PCDH19: variants seen among roughly 807,000 people sequenced by gnomAD.
The protein encoded by PCDH19 is protocadherin 19.
A neutral mutation model predicts 46.2 loss-of-function variants in PCDH19; 6 were observed. That is an observed-to-expected ratio of 0.13 (90% CI 0.07 to 0.26). The LOEUF (loss-of-function observed/expected upper bound fraction) is 0.26, where lower values mean the gene tolerates loss of function less well. Ranked by LOEUF, PCDH19 falls within the 10% of genes least tolerant of loss-of-function variation. The pLI, the probability that PCDH19 is intolerant of heterozygous loss-of-function variation, is 1.00. For synonymous variants in PCDH19, 481 were observed against 415.7 expected, an observed-to-expected ratio of 1.16 and a Z score of -1.91; for missense variants, 740 against 972.3, an observed-to-expected ratio of 0.76 and a Z score of 3.18.
At chrX:100,366,876 C>T (rs1346058340) in intron 3 of PCDH19, among the ~76,000 whole-genome samples, 2 of 111,906 alleles carry the variant, frequency 1.8e-5, no homozygotes, top group African/African-American at 3.2e-5. Context: ...TCTGACTGCC[C>T]TACCACCAAA....
rs1008087229 is a variant in PCDH19, at chrX:100,340,105, A to AC, written c.2848+1797dup. On this transcript the variant is annotated intron_variant, in intron 5 of 5. Coordinates refer to ENST00000373034, the MANE Select transcript of PCDH19 (RefSeq NM_001184880.2). ...ACCTATATGGAGACTGGTGGTCTCT[A>AC]CCTTCAACCCAAATGACTAAGCTGA... Among the ~76,000 whole-genome samples the AC allele has an allele frequency of 5.4e-5, 6 of 111,727 alleles. No individual in the cohort carries two copies. In the South Asian group the frequency reaches 1.1e-3, roughly 21 times the overall value.
rs188232958 is a variant in PCDH19, at chrX:100,313,993, T to C, written c.2849-17118A>G. Among the ~76,000 whole-genome samples, 535 of 111,049 alleles carry C rather than the reference T, an allele frequency of 4.8e-3. 3 individuals are homozygous for C. The highest frequency in any genetic ancestry group is 0.016 in the African/African-American group (500 of 30,577). The stretch of plus-strand genomic sequence containing the variant: ...AATAAACAAGGACATTGGCGAATGG[T>C]TTTATTCTCCTGGGGAATCTTTGTC... On this transcript the variant is annotated intron_variant, in intron 5 of 5. Coordinates refer to ENST00000373034, the MANE Select transcript of PCDH19 (RefSeq NM_001184880.2).
At position 100,407,787 on chromosome X, in the gene PCDH19, C is replaced by T. The variant is rs1928427097; in HGVS notation, c.811G>A (p.Gly271Ser). ...CCATAGAAGGAGTAGACCACCTGGC[C>T]GTTGGTGCCCTCGTCTGGATCGCTG... ...NASDPDEGTN[G>S]QVVYSFYGYV... Residue 271 changes from glycine (G) to serine (S), a missense_variant, in exon 1 of 6, where the codon GGC becomes AGC. Around this residue, in one of 5 missense-constraint regions of PCDH19, gnomAD observed 186 missense variants for 319.9 expected, o/e 0.58. Coordinates refer to ENST00000373034, the MANE Select transcript of PCDH19 (RefSeq NM_001184880.2). 1 of 1,212,282 alleles carries T rather than the reference C, an allele frequency of 8.2e-7. No homozygotes were observed. Among genetic ancestry groups the T allele is most frequent in the Non-Finnish European group, 1.1e-6 (1 of 895,607 alleles).
chrX:100,406,626 C>T lies in PCDH19; in HGVS notation c.1972G>A (p.Val658Ile), dbSNP rs1021930643. 8 of 1,211,528 alleles carry T rather than the reference C, an allele frequency of 6.6e-6. No individual in the cohort carries two copies. Among genetic ancestry groups the T allele is most frequent in the Non-Finnish European group, 8.9e-6 (8 of 895,436 alleles). ...GKTSLSASAL[V>I]LIYLSPALDA... ...AGAGCAGGGGACAAGTAGATTAGGA[C>T]GAGAGCAGAGGCAGAGAGAGATGTC... Residue 658 changes from valine (V) to isoleucine (I), a missense_variant, in exon 1 of 6, where the codon GTC becomes ATC. Physicochemically the swap from Val to Ile is conservative, Grantham distance 29. Transcript: ENST00000373034.
chrX:100,370,043 G>A (rs1426045215), intron 3 of PCDH19, among the ~76,000 whole-genome samples: 1 of 111,003 alleles, frequency 9.0e-6, no homozygotes, highest in South Asian at 3.9e-4. Flanking sequence ...CTTCCAAAAC[G>A]ACCACCAGAT....
chrX:100,331,956 G>A (rs1339419750), intron 5 of PCDH19, among the ~76,000 whole-genome samples: 1 of 109,703 alleles, frequency 9.1e-6, no homozygotes, highest in Non-Finnish European at 1.9e-5. Flanking sequence ...GTTTTACTGG[G>A]GATAAGCCTT....
chrX:100,354,209 A>T (rs1438301912), intron 3 of PCDH19, among the ~76,000 whole-genome samples: 1 of 111,435 alleles, frequency 9.0e-6, no homozygotes, highest in Non-Finnish European at 1.9e-5. Flanking sequence ...GTGCACTGAG[A>T]GAGTATATTT....
chrX:100,391,614 A>G (rs181783211), intron 3 of PCDH19, among the ~76,000 whole-genome samples: 12 of 112,082 alleles, frequency 1.1e-4, no homozygotes, highest in South Asian at 3.8e-4. Flanking sequence ...TGCTGCAAAC[A>G]TTCACACATT....
At position 100,409,699 on chromosome X, in the gene PCDH19, C is replaced by G. The variant is rs963358144; in HGVS notation, c.-1102G>C. ...CTTCTCTCCGTTTGGGCTGGGGTGT[C>G]GCTCCAAGGTCCGCCGCCGCCGCCG... is the stretch of plus-strand genomic sequence containing the variant. On this transcript the variant is annotated 5_prime_UTR_variant, in exon 1 of 6. Transcript: ENST00000373034. 2.5e-5 allele frequency: 6 copies of G among 242,152 alleles called. No individual in the cohort carries two copies. Among genetic ancestry groups the G allele is most frequent in the Non-Finnish European group, 4.4e-5 (6 of 137,096 alleles). 20.0% of individuals were successfully genotyped at this position (242,152 alleles called of 1,213,427 possible). A position where few individuals can be genotyped will look rare whatever the true frequency, so the allele number is the denominator to read the frequency against.
At chrX:100,300,433 G>A (rs1008412013) in intron 5 of PCDH19, among the ~76,000 whole-genome samples, 6 of 111,610 alleles carry the variant, frequency 5.4e-5, no homozygotes, top group Non-Finnish European at 1.1e-4. Flanking sequence ...CTTATATAGA[G>A]AGATGGGCTC....
At chrX:100,359,583 C>T (rs1288769304) in intron 3 of PCDH19, among the ~76,000 whole-genome samples, 1 of 111,080 alleles carries the variant, frequency 9.0e-6, no homozygotes, top group Admixed American at 9.6e-5. Flanking sequence ...AATAAGAAAC[C>T]CATATAAGAT....
intron 3 of PCDH19, among the ~76,000 whole-genome samples, chrX:100,389,495 T>C (rs1366151606): frequency 9.0e-6 from 1 of 110,910 alleles, no homozygotes; most frequent in Non-Finnish European, 1.9e-5. Flanking sequence ...TTAACAATAC[T>C]GTATTGTATT....
chrX:100,370,993 A>ATGTGTGTGTGTGTGTGTGTG (rs59834814), intron 3 of PCDH19, among the ~76,000 whole-genome samples: 1 of 98,382 alleles, frequency 1.0e-5, no homozygotes, highest in Non-Finnish European at 2.0e-5. Context: ...GTGTGTGTGC[A>ATGTGTGTGTGTGTGTGTGTG]TGTGTGTGTG....
At chrX:100,353,785 T>G (rs1926635412) in intron 3 of PCDH19, among the ~76,000 whole-genome samples, 1 of 111,939 alleles carries the variant, frequency 8.9e-6, no homozygotes, top group South Asian at 3.8e-4. Flanking sequence ...CCCATTCTTG[T>G]GGGTCCTGAC....
chrX:100,338,711 C>A (rs894278954), intron 5 of PCDH19, among the ~76,000 whole-genome samples: 23 of 110,577 alleles, frequency 2.1e-4, no homozygotes, highest in Non-Finnish European at 4.2e-4. Flanking sequence ...TCATTCACAC[C>A]GATCATTCTT....
At position 100,295,915 on chromosome X, in the gene PCDH19, CT is replaced by C. The variant is rs915748230; in HGVS notation, c.*361del. Reference sequence around the variant, plus strand: ...CAGAGCTTTTTTTTTTCACTTTTTGCTTTTTTAAATGTAATCCTCCACAAAC... The same window carrying C: ...CAGAGCTTTTTTTTTTCACTTTTTGCTTTTTAAATGTAATCCTCCACAAAC... On this transcript the variant is annotated 3_prime_UTR_variant, in exon 6 of 6. Transcript: ENST00000373034. 1.9e-5 allele frequency: 3 copies of C among 159,901 alleles called. No homozygotes were observed. Among genetic ancestry groups the C allele is most frequent in the African/African-American group, 9.4e-5 (3 of 31,798 alleles). The allele number at this position is 159,901 out of a possible 1,213,427, so 13.2% of individuals were successfully genotyped here. A position where few individuals can be genotyped will look rare whatever the true frequency, so the allele number is the denominator to read the frequency against.
chrX:100,385,023 G>A (rs1298031892), intron 3 of PCDH19, among the ~76,000 whole-genome samples: 1 of 110,023 alleles, frequency 9.1e-6, no homozygotes, highest in Admixed American at 9.7e-5. Flanking sequence ...GCCAGGCGTT[G>A]TGGTGAGCAC....
At chrX:100,390,540 C>T (rs912330034) in intron 3 of PCDH19, among the ~76,000 whole-genome samples, 6 of 111,490 alleles carry the variant, frequency 5.4e-5, no homozygotes, top group African/African-American at 6.5e-5. Flanking sequence ...GCGTCCCCAC[C>T]GACTGCACCT....
At chrX:100,372,925 T>C (rs1485684660) in intron 3 of PCDH19, among the ~76,000 whole-genome samples, 1 of 112,718 alleles carries the variant, frequency 8.9e-6, no homozygotes, top group Non-Finnish European at 1.9e-5. Context: ...AGTTAATATA[T>C]GAAAAGTACT....
Sources: gnomAD v4.1 joint callset for allele counts (sites outside exome capture counted in the v4.1 genomes callset) on GRCh38, gnomAD v4.1.1 for gene constraint, gnomAD v4.1.1 regional missense constraint, MANE v1.5 for transcripts, NCBI Gene and HGNC (gene_info 2026-07-23, HGNC 2026-07-21) for gene names.